The following DPF3 variants were observed in gnomAD, a reference collection of about 807,000 sequenced individuals.
DPF3 encodes zinc finger protein DPF3.
In DPF3, 18 loss-of-function variants were observed where a neutral mutation model predicts 56.8. The ratio of observed to expected loss-of-function variants is 0.32; its 90% confidence interval spans 0.22 to 0.47. The LOEUF is 0.47. DPF3 is among the 20% of genes least tolerant of loss of function. The probability of loss-of-function intolerance (pLI) is 1.00; values close to 1 mark genes in which losing one functional copy is unlikely to be tolerated. For synonymous variants in DPF3, 188 were observed against 180.2 expected, an observed-to-expected ratio of 1.04 and a Z score of -0.35; for missense variants, 403 against 488.8, an observed-to-expected ratio of 0.82 and a Z score of 1.65.
intron 1 of DPF3, among the ~76,000 whole-genome samples, chr14:72,876,835 C>A (rs747813060): frequency 6.6e-6 from 1 of 152,206 alleles, no homozygotes; most frequent in East Asian, 1.9e-4. Flanking sequence ...CTAGGCTGAT[C>A]GTTTAGCGCA....
chr14:72,685,984 T>C (rs61687588), intron 7 of DPF3, among the ~76,000 whole-genome samples: 1,686 of 152,332 alleles, frequency 0.011, 39 homozygotes, highest in African/African-American at 0.039. Flanking sequence ...ATTTCCACAA[T>C]TGCACCAGAA....
chr14:72,742,200 C>T (rs1890151212), intron 3 of DPF3, among the ~76,000 whole-genome samples: 1 of 152,180 alleles, frequency 6.6e-6, no homozygotes, highest in Admixed American at 6.5e-5. Flanking sequence ...GTGCAGGCCT[C>T]CAGATGGATG....
At chr14:72,832,525 T>C (rs994097706) in intron 1 of DPF3, among the ~76,000 whole-genome samples, 1 of 152,208 alleles carries the variant, frequency 6.6e-6, no homozygotes, top group Non-Finnish European at 1.5e-5. Context: ...GCTCCTAAAA[T>C]ACATATATTC....
intron 8 of DPF3, among the ~76,000 whole-genome samples, chr14:72,648,569 GA>G (rs11348282): frequency 0.19 from 17,409 of 93,132 alleles, 1,002 homozygotes; most frequent in Admixed American, 0.23. Flanking sequence ...TCTCAAAAAA[GA>G]AAAAAAAAAA....
chr14:72,704,478 G>T (rs1433011755), intron 6 of DPF3, among the ~76,000 whole-genome samples: 1 of 152,110 alleles, frequency 6.6e-6, no homozygotes, highest in South Asian at 2.1e-4. Flanking sequence ...CTCAAATGCT[G>T]AGCAGGTTTT....
intron 8 of DPF3, among the ~76,000 whole-genome samples, chr14:72,632,042 C>A (rs1034688615): frequency 6.6e-6 from 1 of 152,158 alleles, no homozygotes; most frequent in African/African-American, 2.4e-5. Flanking sequence ...TGAGCAGAGG[C>A]TTGATGAGCA....
At chr14:72,689,076 T>C (rs1887557801) in intron 7 of DPF3, among the ~76,000 whole-genome samples, 1 of 150,992 alleles carries the variant, frequency 6.6e-6, no homozygotes, top group African/African-American at 2.4e-5. Flanking sequence ...AGTGGATTGC[T>C]GAGCTTGCAG....
intron 1 of DPF3, among the ~76,000 whole-genome samples, chr14:72,845,880 C>T (rs930788915): frequency 2.0e-5 from 3 of 152,130 alleles, no homozygotes; most frequent in Non-Finnish European, 4.4e-5. Context: ...AGGACACCGG[C>T]TCCCTGTAAG....
At chr14:72,724,014 C>T in intron 4 of DPF3, 1 of 283,568 alleles carries the variant, frequency 3.5e-6, no homozygotes, top group Non-Finnish European at 6.4e-6. Flanking sequence ...AGAGACTATG[C>T]TGGTAGGGGC....
intron 6 of DPF3, among the ~76,000 whole-genome samples, chr14:72,703,624 C>G (rs778043843): frequency 2.0e-5 from 3 of 152,188 alleles, no homozygotes; most frequent in Non-Finnish European, 4.4e-5. Context: ...CTTCTTGGGT[C>G]AGCTGATTTG....
rs2153575724 is a variant in DPF3 at position 72,714,471 on chromosome 14, G to C, written c.556C>G (p.His186Asp). 1 of 1,613,810 alleles carries C rather than the reference G, an allele frequency of 6.2e-7. No homozygotes were observed. Residue 186 changes from histidine to aspartate, a missense_variant, in exon 6 of 11, where the codon CAC becomes GAC. Physicochemically the swap from His to Asp is moderately conservative, Grantham distance 81. Around this residue, in one of 2 missense-constraint regions of DPF3, gnomAD observed 340 missense variants for 374.3 expected, o/e 0.91. Coordinates refer to ENST00000556509, the MANE Select transcript of DPF3 (RefSeq NM_001280542.3). ...TGGTCTTCCTGAGAGGCGGCGTCGT[G>C]CCTCCTCCTGCCCCCTGCAGAGCCG... ...ARGSAGGRRRHDAASQEDHDK... is the reference protein window; with the variant it reads ...ARGSAGGRRRDDAASQEDHDK...
intron 2 of DPF3, among the ~76,000 whole-genome samples, chr14:72,759,409 C>T (rs1383749609): frequency 1.3e-5 from 2 of 152,096 alleles, no homozygotes; most frequent in Non-Finnish European, 2.9e-5. Context: ...CGGCTCATGC[C>T]TTTAATCCCA....
rs200740081 is a variant in DPF3, at chr14:72,731,845, C to T, written c.391G>A (p.Val131Met). Reference protein sequence around the residue: ...LLRGEGVEKKVDAREEESIQE... With the variant: ...LLRGEGVEKKMDAREEESIQE... The stretch of plus-strand genomic sequence containing the variant: ...ATGCTTTCCTCCTCCCTGGCATCCA[C>T]CTTCTTCTCAACCCCCTCGCCACGG... The change falls in exon 4 of 11, where the codon GTG (valine) becomes ATG (methionine). Residue 131 changes from valine to methionine, a missense_variant. By Grantham distance (21) the Val-to-Met change is conservative (BLOSUM62 1). Around this residue, in one of 2 missense-constraint regions of DPF3, gnomAD observed 340 missense variants for 374.3 expected, o/e 0.91. Transcript: ENST00000556509. 8.4e-5 allele frequency: 136 copies of T among 1,613,344 alleles called. No homozygotes were observed. In the African/African-American group the frequency reaches 1.5e-3, roughly 18 times the overall value.
chr14:72,848,618 T>C (rs564564728), intron 1 of DPF3, among the ~76,000 whole-genome samples: 1 of 152,292 alleles, frequency 6.6e-6, no homozygotes, highest in Admixed American at 6.5e-5. Flanking sequence ...TCAGTAAATA[T>C]TTGTTAGCTG....
chr14:72,824,503 G>A (rs1236792184), intron 1 of DPF3, among the ~76,000 whole-genome samples: 1 of 151,468 alleles, frequency 6.6e-6, no homozygotes, highest in Non-Finnish European at 1.5e-5. Context: ...TCTTTATGTC[G>A]CTTCAACAAG....
chr14:72,771,064 G>A (rs1891507410), intron 2 of DPF3, among the ~76,000 whole-genome samples: 1 of 151,716 alleles, frequency 6.6e-6, no homozygotes, highest in Non-Finnish European at 1.5e-5. Context: ...TAATCCCAGC[G>A]ACTCAGGAGG....
chr14:72,838,905 A>ATATATATATATATATATATATTTTTT lies in DPF3; in HGVS notation c.32+55151_32+55152insAAAAAATATATATATATATATATATA. On this transcript the variant is annotated intron_variant, in intron 1 of 10. Transcript: ENST00000556509. ...ATCTATCATATATATTATCATATAT[A>ATATATATATATATATATATATTTTTT]TTCTTTTTTTTTTTTTTTTTTTTTT... Among the ~76,000 whole-genome samples, 8 of 64,496 alleles carry ATATATATATATATATATATATTTTTT rather than the reference A, an allele frequency of 1.2e-4. 1 individual carries two copies. Among genetic ancestry groups the ATATATATATATATATATATATTTTTT allele is most frequent in the Non-Finnish European group, 1.7e-4 (6 of 36,108 alleles). The allele number at this position is 64,496 out of a possible 152,430, so 42.3% of individuals were successfully genotyped here.
At chr14:72,647,693 A>G (rs921320627) in intron 8 of DPF3, among the ~76,000 whole-genome samples, 4 of 152,140 alleles carry the variant, frequency 2.6e-5, no homozygotes, top group Admixed American at 2.6e-4. Context: ...ACCTAATTAG[A>G]TTGCACCTAT....
At chr14:72,727,470 G>C (rs964722562) in intron 4 of DPF3, among the ~76,000 whole-genome samples, 2 of 151,896 alleles carry the variant, frequency 1.3e-5, no homozygotes, top group Non-Finnish European at 2.9e-5. Flanking sequence ...CAGCTACTCA[G>C]AAGGCTGAGG....
Sources: gnomAD v4.1 joint callset for allele counts (sites outside exome capture counted in the v4.1 genomes callset) on GRCh38, gnomAD v4.1.1 for gene constraint, gnomAD v4.1.1 regional missense constraint, MANE v1.5 for transcripts, NCBI Gene and HGNC (gene_info 2026-07-23, HGNC 2026-07-21) for gene names.